HRH1: variants seen among roughly 807,000 people sequenced by gnomAD.
HRH1 encodes the protein histamine H1 receptor.
Under a neutral mutation model 10.3 loss-of-function variants are expected in HRH1, and 6 were observed. The ratio of observed to expected loss-of-function variants is 0.58; its 90% CI spans 0.32 to 1.15. The LOEUF is 1.15. HRH1 is among the 50% of genes most tolerant of loss of function. HRH1 has a pLI of 0.05. For synonymous variants in HRH1, 242 were observed against 236.7 expected, an observed-to-expected ratio of 1.02 and a Z score of -0.21; for missense variants, 514 against 615.3, an observed-to-expected ratio of 0.84 and a Z score of 1.74.
At chr3:11,155,061 A>G (rs1377960681) in intron 1 of HRH1, among the ~76,000 whole-genome samples, 1 of 152,164 alleles carries the variant, frequency 6.6e-6, no homozygotes, top group East Asian at 1.9e-4. Context: ...CAGGAGCATC[A>G]GCTGGTTAAG....
rs1939953934 is a variant in HRH1, at chr3:11,261,406, G to T, written c.*905G>T. 6.0e-6 allele frequency: 1 copy of T among 167,110 alleles called. No individual in the cohort carries two copies. 10.4% of individuals were successfully genotyped at this position (167,110 alleles called of 1,614,324 possible). A position where few individuals can be genotyped will look rare whatever the true frequency, so the allele number is the denominator to read the frequency against. On this transcript the variant is annotated 3_prime_UTR_variant, in exon 2 of 2. Transcript: ENST00000431010. ...ACAGGAGGGTAATTTTCTAACTCTA[G>T]TTTGCAGAGGAGCAAATTGAGGTTC...
intron 1 of HRH1, among the ~76,000 whole-genome samples, chr3:11,199,987 T>A (rs149484174): frequency 1.3e-5 from 2 of 152,292 alleles, no homozygotes; most frequent in African/African-American, 4.8e-5. Context: ...ATTTGTTCAG[T>A]AGTGGACATG....
At chr3:11,152,509 T>G (rs1002922838), upstream of HRH1, among the ~76,000 whole-genome samples, 7 of 152,170 alleles carry the variant, frequency 4.6e-5, no homozygotes, top group Non-Finnish European at 8.8e-5. Context: ...GAAGTGAAAC[T>G]TTGGGGAGGA....
chr3:11,250,034 C>CTTTTTTTTT (rs71055856), intron 1 of HRH1, among the ~76,000 whole-genome samples: 1 of 60,764 alleles, frequency 1.6e-5, no homozygotes, highest in Non-Finnish European at 3.0e-5. Context: ...AAGCTTTTCT[C>CTTTTTTTTT]TTTTTTTTTT....
chr3:11,158,773 A>G (rs1048949817), intron 1 of HRH1, among the ~76,000 whole-genome samples: 1 of 152,142 alleles, frequency 6.6e-6, no homozygotes, highest in African/African-American at 2.4e-5. Context: ...TTGATTTTGT[A>G]TCCAGAAATC....
intron 1 of HRH1, 133 bp from the exon 2 acceptor site, chr3:11,258,870 G>A: frequency 1.7e-6 from 1 of 599,838 alleles, no homozygotes; most frequent in East Asian, 2.8e-5. Context: ...AAGGGTACAT[G>A]GCTATTGAGT....
At chr3:11,185,365 AAGT>A (rs756738917) in intron 1 of HRH1, among the ~76,000 whole-genome samples, 2 of 152,176 alleles carry the variant, frequency 1.3e-5, no homozygotes, top group Non-Finnish European at 2.9e-5. Context: ...TGAATTTTCA[AAGT>A]AGTAAGTCAC....
Position 11,219,536 on chromosome 3 carries a change from AC to A in HRH1, c.-35-39462del, listed in dbSNP as rs527434888. ...AAACCAGCCTGGCCAACATAGTGAA[AC>A]CCCCGTCTCTACTAAAAATACAAAA... On this transcript the variant is annotated intron_variant, in intron 1 of 1. Coordinates refer to ENST00000431010, the MANE Select transcript of HRH1 (RefSeq NM_001098212.2). Among the ~76,000 whole-genome samples the A allele has an allele frequency of 4.6e-5, 7 of 151,774 alleles. 1 individual carries two copies. The South Asian group carries it at 1.5e-3, about 32-fold the overall frequency.
rs746775307 is a variant in HRH1 at position 11,138,180 on chromosome 3, A to ATTTTTTT, written c.-36+790_-36+796dup. Among the ~76,000 whole-genome samples, 416 of 135,534 alleles carry ATTTTTTT rather than the reference A, an allele frequency of 3.1e-3. 5 individuals carry two copies. The highest frequency in any genetic ancestry group is 0.01 in the Admixed American group (131 of 12,780). The allele number at this position is 135,534 out of a possible 152,430, so 88.9% of individuals were successfully genotyped here. On this transcript the variant is annotated intron_variant, in intron 1 of 1. Coordinates refer to the HRH1 transcript ENST00000438284. ...ACAGGCGCCCGCACCACGTTTGGCT[A>ATTTTTTT]TTTTTTTTTTTTTTTGTATTTTTAG... is the stretch of plus-strand genomic sequence containing the variant.
intron 1 of HRH1, among the ~76,000 whole-genome samples, chr3:11,197,346 T>C (rs913122635): frequency 6.6e-6 from 1 of 152,228 alleles, no homozygotes; most frequent in African/African-American, 2.4e-5. Context: ...TCCTGAGGGC[T>C]GGCACCCTGG....
intron 1 of HRH1, among the ~76,000 whole-genome samples, chr3:11,205,711 G>C (rs1387072663): frequency 6.6e-6 from 1 of 151,588 alleles, no homozygotes; most frequent in Non-Finnish European, 1.5e-5. Flanking sequence ...GCCCAGGCTG[G>C]AGTGCAGCGG....
chr3:11,260,620 C>T lies in HRH1; in HGVS notation c.*119C>T. 1 of 891,848 alleles carries T rather than the reference C, an allele frequency of 1.1e-6. No individual in the cohort carries two copies. Among genetic ancestry groups the T allele is most frequent in the East Asian group, 2.4e-5 (1 of 41,096 alleles). 55.2% of individuals were successfully genotyped at this position (891,848 alleles called of 1,614,324 possible). On this transcript the variant is annotated 3_prime_UTR_variant, in exon 2 of 2. Coordinates refer to ENST00000431010, the MANE Select transcript of HRH1 (RefSeq NM_001098212.2). ...GGCTTTCTGGAATCCAAACCACAGT[C>T]TTAGGGGCTTGGTAGTTTGGAAAGT...
intron 1 of HRH1, among the ~76,000 whole-genome samples, chr3:11,248,124 C>T (rs1239308870): frequency 2.0e-5 from 3 of 152,168 alleles, no homozygotes; most frequent in Non-Finnish European, 2.9e-5. Context: ...CAACATTGGA[C>T]TCCAATCGTG....
In HRH1 at chr3:11,260,071, A is replaced by T. The variant is rs769853466; in HGVS notation, c.1034A>T (p.Glu345Val). The T allele has an allele frequency of 1.2e-6, 2 of 1,614,154 alleles. No homozygotes were observed. The highest frequency in any genetic ancestry group is 1.7e-6 in the Non-Finnish European group (2 of 1,180,020). ...GGCCTGAACACACATGGGGCCAGCG[A>T]GATATCAGAGGATCAGATGTTAGGT... ...EQGLNTHGAS[E>V]ISEDQMLGDS... Residue 345 changes from glutamate (E) to valine (V), a missense_variant, in exon 2 of 2, where the codon GAG becomes GTG. Physicochemically the swap from Glu to Val is moderately radical, Grantham distance 121. Transcript: ENST00000431010.
At chr3:11,203,373 CAATT>C (rs1379177070) in intron 1 of HRH1, among the ~76,000 whole-genome samples, 4 of 152,220 alleles carry the variant, frequency 2.6e-5, no homozygotes, top group East Asian at 1.9e-4. Flanking sequence ...TCTGGCTTCT[CAATT>C]AATTATTTCT....
intron 1 of HRH1, among the ~76,000 whole-genome samples, chr3:11,189,702 G>C (rs896680704): frequency 1.3e-5 from 2 of 151,798 alleles, no homozygotes; most frequent in African/African-American, 2.4e-5. Flanking sequence ...GAGGCCAAAG[G>C]GGGTGGATCA....
chr3:11,206,464 T>C lies in HRH1; in HGVS notation c.-36+51910T>C, dbSNP rs540710298. Among the ~76,000 whole-genome samples, 21 of 152,366 alleles carry C rather than the reference T, an allele frequency of 1.4e-4. No homozygotes were observed. In the South Asian group the frequency reaches 4.1e-3, roughly 30 times the overall value. On this transcript the variant is annotated intron_variant, in intron 1 of 1. Transcript: ENST00000431010. Reference sequence around the variant, plus strand: ...CAAAGTTGGCCTGCTGGCCTGGACTTCCTCCCAGCACTTGACTCCACTTCA... The same window carrying C: ...CAAAGTTGGCCTGCTGGCCTGGACTCCCTCCCAGCACTTGACTCCACTTCA...
In HRH1 at chr3:11,259,996, A is replaced by G; in HGVS notation, c.959A>G (p.Asp320Gly). 1 of 1,614,154 alleles carries G rather than the reference A, an allele frequency of 6.2e-7. No individual in the cohort carries two copies. The highest frequency in any genetic ancestry group is 8.5e-7 in the Non-Finnish European group (1 of 1,180,028). ...MQAAAEGSSR[D>G]YVAVNRSHGQ... ...GCTGCGGCAGAGGGGAGTAGCAGGGACTATGTAGCCGTCAACCGGAGCCAT... is the reference window on the plus strand; with the variant it reads ...GCTGCGGCAGAGGGGAGTAGCAGGGGCTATGTAGCCGTCAACCGGAGCCAT... The change falls in exon 2 of 2, where the codon GAC (aspartate) becomes GGC (glycine). Residue 320 changes from aspartate (D) to glycine (G), a missense_variant. Coordinates refer to ENST00000431010, the MANE Select transcript of HRH1 (RefSeq NM_001098212.2). The surrounding 1 kb of genome is among the most constrained non-coding windows in gnomAD (Gnocchi z 4.6).
intron 1 of HRH1, among the ~76,000 whole-genome samples, chr3:11,191,708 G>T (rs1402016087): frequency 6.6e-6 from 1 of 152,232 alleles, no homozygotes; most frequent in Non-Finnish European, 1.5e-5. Context: ...GAGGAATTAA[G>T]TATGTAAATC....
Sources: allele counts gnomAD v4.1 joint callset (sites outside exome capture counted in the v4.1 genomes callset), GRCh38; gene constraint gnomAD v4.1.1; non-coding constraint Gnocchi (gnomAD v3.1); transcripts MANE v1.5; gene names NCBI Gene and HGNC (gene_info 2026-07-23, HGNC 2026-07-21).